The following MYCBP2 variants were observed in gnomAD, a reference collection of about 807,000 sequenced individuals.
MYCBP2 encodes MYC binding protein 2.
Under a neutral mutation model 525.3 loss-of-function variants are expected in MYCBP2, and 120 were observed. The ratio of observed to expected loss-of-function variants is 0.23; its 90% CI spans 0.20 to 0.27. MYCBP2 has a LOEUF of 0.27. Ranked by LOEUF, MYCBP2 falls within the 10% of genes least tolerant of loss-of-function variation. MYCBP2 has a pLI of 1.00. For synonymous variants in MYCBP2, 1,894 were observed against 1,955.8 expected, an observed-to-expected ratio of 0.97 and a Z score of 0.83; for missense variants, 4,149 against 5,657.1, an observed-to-expected ratio of 0.73 and a Z score of 8.55.
At chr13:77,051,204 A>G in intron 81 of MYCBP2, 42 bp from the exon 82 acceptor site, 2 of 1,552,808 alleles carry the variant, frequency 1.3e-6, no homozygotes, top group South Asian at 1.2e-5. Context: ...TCATAGTGAG[A>G]CTATTTCAAT....
At chr13:77,307,654 A>G (rs981187139) in intron 1 of MYCBP2, among the ~76,000 whole-genome samples, 1 of 148,694 alleles carries the variant, frequency 6.7e-6, no homozygotes, top group African/African-American at 2.5e-5. Context: ...AAAAAAAAAA[A>G]CTTCATTGTA....
At chr13:77,291,978 GC>G (rs1315121768) in intron 2 of MYCBP2, among the ~76,000 whole-genome samples, 1 of 152,180 alleles carries the variant, frequency 6.6e-6, no homozygotes, top group African/African-American at 2.4e-5. Context: ...AATGGACCAT[GC>G]CTCCTGGCCT....
Position 77,068,539 on chromosome 13 carries a change from GGAAAGGCTGTA to G in MYCBP2, c.12171+15_12171+25del. 1 of 1,597,324 alleles carries G rather than the reference GGAAAGGCTGTA, an allele frequency of 6.3e-7. No individual in the cohort carries two copies. The highest frequency in any genetic ancestry group is 8.6e-7 in the Non-Finnish European group (1 of 1,168,280). Reference sequence around the variant, plus strand: ...CAATGTTTCAAGTAACAAAAGCAATGGAAAGGCTGTAGTGTGATCAGTCACCTGTCTCTGGA... The same window carrying G: ...CAATGTTTCAAGTAACAAAAGCAATGGTGTGATCAGTCACCTGTCTCTGGA... On this transcript the variant is annotated intron_variant, in intron 70 of 82. Coordinates refer to ENST00000544440, the MANE Select transcript of MYCBP2 (RefSeq NM_015057.5).
chr13:77,227,197 T>G (rs921136809), intron 18 of MYCBP2, among the ~76,000 whole-genome samples: 1 of 151,972 alleles, frequency 6.6e-6, no homozygotes, highest in Non-Finnish European at 1.5e-5. Context: ...AATTTTTTAC[T>G]CAAAAAAGAT....
chr13:77,126,854 G>C (rs2051759271), intron 52 of MYCBP2, among the ~76,000 whole-genome samples: 2 of 151,926 alleles, frequency 1.3e-5, no homozygotes, highest in Admixed American at 1.3e-4. Context: ...AATATTTAAA[G>C]TTGGAAAAAT....
At chr13:77,209,471 C>T (rs1019837810) in intron 23 of MYCBP2, among the ~76,000 whole-genome samples, 7 of 152,156 alleles carry the variant, frequency 4.6e-5, no homozygotes, top group Non-Finnish European at 7.3e-5. Context: ...AAGTCCAAAC[C>T]AGAGCCTGCT....
chr13:77,167,039 T>G (rs1193755925), intron 40 of MYCBP2, among the ~76,000 whole-genome samples: 1 of 148,972 alleles, frequency 6.7e-6, no homozygotes, highest in Admixed American at 6.7e-5. Context: ...AATGAAATAA[T>G]TTAATGATTT....
chr13:77,168,642 G>C lies in MYCBP2; in HGVS notation c.5900C>G (p.Ala1967Gly). 1 of 1,614,010 alleles carries C rather than the reference G, an allele frequency of 6.2e-7. No individual in the cohort carries two copies. The part of the protein sequence containing the change: ...GPVAAAIPKV[A>G]VEVFGLVQQL... ...TTGGACAAGGCCAAAGACTTCTACA[G>C]CCACCTAGTACACATATAAAAATAT... Residue 1967 changes from alanine to glycine, a missense_variant, in exon 40 of 83, where the codon GCT (alanine) becomes GGT (glycine). Physicochemically the swap from Ala to Gly is moderately conservative, Grantham distance 60. This residue lies in a region of MYCBP2 where 692 missense variants were observed against 852.7 expected (regional missense o/e 0.81). Transcript: ENST00000544440.
intron 34 of MYCBP2, among the ~76,000 whole-genome samples, chr13:77,179,386 AACAGAAAC>A (rs2060006508): frequency 1.3e-5 from 2 of 152,170 alleles, no homozygotes; most frequent in Non-Finnish European, 1.5e-5. Context: ...AGGAGGAAAA[AACAGAAAC>A]ATTCCCCAAA....
In MYCBP2 at chr13:77,205,236, A is replaced by C; in HGVS notation, c.3843+20T>G. ...CAGTATGTTCAAACAAAAAAGGACA[A>C]CATTGTTGATGAACTTTACCTTAAT... On this transcript the variant is annotated intron_variant, in intron 26 of 82. Coordinates refer to ENST00000544440, the MANE Select transcript of MYCBP2 (RefSeq NM_015057.5). 2 of 1,535,454 alleles carry C rather than the reference A, an allele frequency of 1.3e-6. No individual in the cohort carries two copies. The highest frequency in any genetic ancestry group is 1.4e-5 in the South Asian group (1 of 73,226).
At chr13:77,210,223 CAG>C (rs976882401) in intron 23 of MYCBP2, among the ~76,000 whole-genome samples, 2 of 141,694 alleles carry the variant, frequency 1.4e-5, no homozygotes, top group South Asian at 2.2e-4. Context: ...TTTTTTGAGA[CAG>C]AGTCTCGCCC....
chr13:77,167,004 CACACACACACACACACACA>C lies in MYCBP2; in HGVS notation c.6115-469_6115-451del, dbSNP rs1566780827. Among the ~76,000 whole-genome samples the C allele has an allele frequency of 2.0e-5, 3 of 150,920 alleles. No individual in the cohort carries two copies. In the East Asian group the frequency reaches 5.8e-4, roughly 29 times the overall value. ...ACACACACACACACACACACACACACACACACACACACACACACACACCAAATGAAATAATTTAATGATT... is the reference window on the plus strand; with the variant it reads ...ACACACACACACACACACACACACACCACCAAATGAAATAATTTAATGATT... On this transcript the variant is annotated intron_variant, in intron 40 of 82. Transcript: ENST00000544440.
intron 24 of MYCBP2, 80 bp downstream of exon 24, chr13:77,206,573 A>C: frequency 8.2e-7 from 1 of 1,216,282 alleles, no homozygotes; most frequent in Non-Finnish European, 1.1e-6. Flanking sequence ...AGAATTACAT[A>C]TAAATTTAAA....
chr13:77,076,893 AACACTAT>A, intron 67 of MYCBP2, 44 bp from the exon 68 acceptor site: 1 of 1,435,676 alleles, frequency 7.0e-7, no homozygotes, highest in Non-Finnish European at 9.8e-7. Context: ...GACAGGCATT[AACACTAT>A]ATTGGCCAGA....
Position 77,095,489 on chromosome 13 carries a change from A to C in MYCBP2, c.10068T>G (p.Ser3356Arg). The C allele has an allele frequency of 6.2e-7, 1 of 1,613,608 alleles. No homozygotes were observed. Among genetic ancestry groups the C allele is most frequent in the Middle Eastern group, 1.7e-4 (1 of 6,056 alleles). Reference sequence around the variant, plus strand: ...AACACAGAATGCTCGGTTCTGCTGCACTGCTCAGGGACAGCAGGAAGAGTG... The same window carrying C: ...AACACAGAATGCTCGGTTCTGCTGCCCTGCTCAGGGACAGCAGGAAGAGTG... ...ANALFLLSLSSAAEPSILCYH... is the reference protein window; with the variant it reads ...ANALFLLSLSRAAEPSILCYH... The change falls in exon 58 of 83, where the codon AGT (serine) becomes AGG (arginine). Residue 3356 changes from serine to arginine, a missense_variant. By Grantham distance (110) the Ser-to-Arg change is moderately radical (BLOSUM62 -1). This residue lies in a region of MYCBP2 where 509 missense variants were observed against 789.4 expected (regional missense o/e 0.64). Coordinates refer to ENST00000544440, the MANE Select transcript of MYCBP2 (RefSeq NM_015057.5).
At chr13:77,233,118 GA>G in intron 18 of MYCBP2, 37 bp downstream of exon 18, 1 of 1,553,534 alleles carries the variant, frequency 6.4e-7, no homozygotes, top group South Asian at 1.1e-5. Context: ...AAGAAATTGG[GA>G]AAGTATCCCA....
intron 8 of MYCBP2, among the ~76,000 whole-genome samples, chr13:77,266,329 G>A (rs1450798645): frequency 6.6e-6 from 1 of 152,078 alleles, no homozygotes; most frequent in Non-Finnish European, 1.5e-5. Context: ...ACCCTGGAAG[G>A]CTTTCATTCT....
At chr13:77,048,249 C>T (rs1397013238) in intron 82 of MYCBP2, among the ~76,000 whole-genome samples, 8 of 152,092 alleles carry the variant, frequency 5.3e-5, no homozygotes, top group African/African-American at 1.9e-4. Context: ...AAAGTGCCAC[C>T]TATGAGGCTG....
At chr13:77,201,986 A>G (rs2062647382) in intron 26 of MYCBP2, among the ~76,000 whole-genome samples, 1 of 152,216 alleles carries the variant, frequency 6.6e-6, no homozygotes, top group Admixed American at 6.5e-5. Context: ...TAAAGGAACT[A>G]GAAAAGCAAG....
Sources: allele counts gnomAD v4.1 joint callset (sites outside exome capture counted in the v4.1 genomes callset), GRCh38; gene constraint gnomAD v4.1.1; regional missense constraint gnomAD v4.1.1; transcripts MANE v1.5; gene names NCBI Gene and HGNC (gene_info 2026-07-23, HGNC 2026-07-21).